The following PLXDC2 variants were observed in gnomAD, a reference collection of about 807,000 sequenced individuals.
PLXDC2 encodes plexin domain-containing protein 2.
A neutral mutation model predicts 68.9 loss-of-function variants in PLXDC2; 40 were observed. That is an observed-to-expected ratio of 0.58 (90% CI 0.45 to 0.76). The LOEUF (loss-of-function observed/expected upper bound fraction) is 0.76. Among genes scored for constraint, PLXDC2 ranks in the 30% least tolerant of loss-of-function variants. PLXDC2 has a pLI of 0.00. For missense variants in PLXDC2, 644 were observed against 661.9 expected (o/e 0.97, Z 0.30); for synonymous variants, 243 against 234.2 (o/e 1.04, Z -0.34).
At chr10:20,143,554 A>G in intron 5 of PLXDC2, 137 bp downstream of exon 5, 1 of 1,021,246 alleles carries the variant, frequency 9.8e-7, no homozygotes, top group South Asian at 1.6e-5. Flanking sequence ...GAGGACAAAT[A>G]TTATACTGCT....
rs1836181446 is a variant in PLXDC2, at chr10:20,287,988, G to GGGGGGGGGA, written c.*8177_*8178insAGGGGGGGG. ...TGGGCACTTCTTGCGGCGGGGGAGG[G>GGGGGGGGGA]GGGGGGGGCGGTGGCTTTCCAGATT... On this transcript the variant is annotated 3_prime_UTR_variant, in exon 14 of 14. Coordinates refer to ENST00000377252, the MANE Select transcript of PLXDC2 (RefSeq NM_032812.9). The GGGGGGGGGA allele has an allele frequency of 2.2e-5, 2 of 91,492 alleles. No homozygotes were observed. Among genetic ancestry groups the GGGGGGGGGA allele is most frequent in the Non-Finnish European group, 4.1e-5 (2 of 48,714 alleles). 5.7% of individuals were successfully genotyped at this position (91,492 alleles called of 1,614,324 possible).
chr10:20,146,509 T>G (rs1834082311), intron 5 of PLXDC2, among the ~76,000 whole-genome samples: 1 of 144,710 alleles, frequency 6.9e-6, no homozygotes, highest in Non-Finnish European at 1.5e-5. Context: ...CCTTCCTTCC[T>G]TCCTTCCTTC....
At chr10:20,126,332 C>CATATATACATATGT (rs1397329078) in intron 4 of PLXDC2, among the ~76,000 whole-genome samples, 2,191 of 79,770 alleles carry the variant, frequency 0.027, 103 homozygotes, top group East Asian at 0.099. Context: ...TATACATATA[C>CATATATACATATGT]GTTATATAAT....
At position 20,286,127 on chromosome 10, in the gene PLXDC2, T is replaced by A. The variant is rs1263624044; in HGVS notation, c.*6308T>A. 1 of 152,214 alleles carries A rather than the reference T, an allele frequency of 6.6e-6. No homozygotes were observed. Among genetic ancestry groups the A allele is most frequent in the Admixed American group, 6.5e-5 (1 of 15,280 alleles). The allele number at this position is 152,214 out of a possible 1,614,324, so 9.4% of individuals were successfully genotyped here. ...GAATACATCATCATTGGCTTCTTCATAATATATTTATTATGAGTGACCAAA... is the reference window on the plus strand; with the variant it reads ...GAATACATCATCATTGGCTTCTTCAAAATATATTTATTATGAGTGACCAAA... On this transcript the variant is annotated 3_prime_UTR_variant, in exon 14 of 14. Transcript: ENST00000377252.
intron 4 of PLXDC2, among the ~76,000 whole-genome samples, chr10:20,080,899 TA>T (rs886749692): frequency 1.3e-5 from 2 of 152,160 alleles, no homozygotes; most frequent in African/African-American, 2.4e-5. Context: ...TAATAACACT[TA>T]AAAGGTAACT....
intron 1 of PLXDC2, among the ~76,000 whole-genome samples, chr10:19,986,080 A>T (rs1470741628): frequency 6.6e-6 from 1 of 152,220 alleles, no homozygotes; most frequent in Non-Finnish European, 1.5e-5. Flanking sequence ...TTTGATTAAG[A>T]AGAAATGAAT....
chr10:19,950,727 C>T (rs907866678), intron 1 of PLXDC2, among the ~76,000 whole-genome samples: 3 of 152,048 alleles, frequency 2.0e-5, no homozygotes, highest in Admixed American at 6.6e-5. Flanking sequence ...AAGTTGGAAA[C>T]ATCACATTAC....
intron 7 of PLXDC2, among the ~76,000 whole-genome samples, chr10:20,176,447 T>C (rs1388001254): frequency 1.3e-5 from 2 of 151,742 alleles, no homozygotes; most frequent in African/African-American, 4.8e-5. Flanking sequence ...ATCTATTCTT[T>C]TATTGAATTT....
chr10:20,221,440 A>G (rs1208393875), intron 12 of PLXDC2, among the ~76,000 whole-genome samples: 3 of 152,196 alleles, frequency 2.0e-5, no homozygotes, highest in African/African-American at 7.2e-5. Context: ...GAGAATTCCA[A>G]AATATCACAA....
In PLXDC2 at chr10:20,046,864, T is replaced by C; in HGVS notation, c.325-5T>C. 3.1e-6 allele frequency: 5 copies of C among 1,597,440 alleles called. No individual in the cohort carries two copies. In the South Asian group the frequency reaches 5.7e-5, roughly 18 times the overall value. On this transcript the variant is annotated splice_region_variant and splice_polypyrimidine_tract_variant and intron_variant, in intron 2 of 13. Coordinates refer to ENST00000377252, the MANE Select transcript of PLXDC2 (RefSeq NM_032812.9). ...CTTGATATACATTATTATCTATTAT[T>C]GCAGGAGGATACAGACCACAATTAC...
At position 20,288,269 on chromosome 10, in the gene PLXDC2, GT is replaced by G. The variant is rs1836185596; in HGVS notation, c.*8452del. The G allele has an allele frequency of 6.6e-6, 1 of 152,142 alleles. No homozygotes were observed. The highest frequency in any genetic ancestry group is 2.4e-5 in the African/African-American group (1 of 41,432). 9.4% of individuals were successfully genotyped at this position (152,142 alleles called of 1,614,324 possible). ...CCAAGGACGTGTCTTTCAGGGAAAGGTTAATTTTCCGAAGTTTATTAAAATA... is the reference window on the plus strand; with the variant it reads ...CCAAGGACGTGTCTTTCAGGGAAAGGTAATTTTCCGAAGTTTATTAAAATA... On this transcript the variant is annotated 3_prime_UTR_variant, in exon 14 of 14. Coordinates refer to ENST00000377252, the MANE Select transcript of PLXDC2 (RefSeq NM_032812.9).
intron 1 of PLXDC2, among the ~76,000 whole-genome samples, chr10:19,870,624 C>T (rs1338687828): frequency 6.6e-6 from 1 of 151,970 alleles, no homozygotes; most frequent in East Asian, 1.9e-4. Flanking sequence ...TGGGGTTTCA[C>T]CATGTTGGCC....
At chr10:19,850,911 A>G (rs1371945556) in intron 1 of PLXDC2, among the ~76,000 whole-genome samples, 1 of 152,170 alleles carries the variant, frequency 6.6e-6, no homozygotes, top group African/African-American at 2.4e-5. Context: ...TCTGCATGTC[A>G]TTCAATTTGC....
At chr10:19,864,618 G>A (rs1003580197) in intron 1 of PLXDC2, among the ~76,000 whole-genome samples, 2 of 152,152 alleles carry the variant, frequency 1.3e-5, no homozygotes, top group Non-Finnish European at 2.9e-5. Context: ...GGAGAAGATG[G>A]ACCCTAGATG....
chr10:20,255,282 A>G (rs1011372632), intron 13 of PLXDC2, among the ~76,000 whole-genome samples: 3 of 152,144 alleles, frequency 2.0e-5, no homozygotes, highest in African/African-American at 7.2e-5. Context: ...GGATAAATAA[A>G]TGAAAATCTG....
At position 20,133,483 on chromosome 10, in the gene PLXDC2, G is replaced by C. The variant is rs548456922; in HGVS notation, c.542-9812G>C. Among the ~76,000 whole-genome samples the C allele has an allele frequency of 3.0e-4, 45 of 152,128 alleles. No homozygotes were observed. The South Asian group carries it at 9.3e-3, about 32-fold the overall frequency. ...CAACTTGGCTAGTTATAGTATTCTT[G>C]GTCATTGCTGGTTTACTTTCAACAC... On this transcript the variant is annotated intron_variant, in intron 4 of 13. Coordinates refer to ENST00000377252, the MANE Select transcript of PLXDC2 (RefSeq NM_032812.9).
chr10:19,939,343 T>G (rs1462192099), intron 1 of PLXDC2, among the ~76,000 whole-genome samples: 3 of 152,104 alleles, frequency 2.0e-5, no homozygotes, highest in African/African-American at 4.8e-5. Flanking sequence ...TTACACCCCC[T>G]CTGGAAATGG....
intron 6 of PLXDC2, among the ~76,000 whole-genome samples, chr10:20,158,661 T>TTAAA (rs1271691951): frequency 6.9e-6 from 1 of 145,408 alleles, no homozygotes; most frequent in African/African-American, 2.5e-5. Context: ...AGACTCTGTC[T>TTAAA]CAAATAAATA....
At chr10:20,061,855 G>A (rs1422952335) in intron 3 of PLXDC2, among the ~76,000 whole-genome samples, 2 of 152,100 alleles carry the variant, frequency 1.3e-5, no homozygotes, top group African/African-American at 4.8e-5. Context: ...TACCAGAATC[G>A]GTTTAAGTCT....
Sources: allele counts gnomAD v4.1 joint callset (sites outside exome capture counted in the v4.1 genomes callset), GRCh38; gene constraint gnomAD v4.1.1; transcripts MANE v1.5; gene names NCBI Gene and HGNC (gene_info 2026-07-23, HGNC 2026-07-21).